IPO5: variants seen among roughly 807,000 people sequenced by gnomAD.
IPO5 encodes importin-5.
In IPO5, 18 loss-of-function variants were observed where a neutral mutation model predicts 143.3. The observed-to-expected ratio is 0.13, with a 90% CI of 0.09 to 0.19. IPO5 has a LOEUF of 0.19. IPO5 is among the 10% of genes least tolerant of loss of function. The pLI is 1.00. For missense variants in IPO5, 1,013 were observed against 1,336.9 expected, an observed-to-expected ratio of 0.76 and a Z score of 3.78; for synonymous variants, 477 against 465.7, an observed-to-expected ratio of 1.02 and a Z score of -0.31.
intron 4 of IPO5, chr13:97,977,117 CCCCGCTTGCCCCTTT>C (rs1311299594): frequency 6.3e-6 from 1 of 157,674 alleles, no homozygotes; most frequent in African/African-American, 2.4e-5. Context: ...CTTCCCAGCT[CCCCGCTTGCCCCTTT>C]CCCGCTTTCT....
chr13:97,986,654 A>G (rs1054623441), intron 6 of IPO5, among the ~76,000 whole-genome samples: 4 of 152,280 alleles, frequency 2.6e-5, no homozygotes, highest in Non-Finnish European at 5.9e-5. Context: ...CTGGCCTACT[A>G]TGTACATTTT....
chr13:97,972,224 A>G (rs972813865), intron 3 of IPO5, among the ~76,000 whole-genome samples: 4 of 152,232 alleles, frequency 2.6e-5, no homozygotes, highest in African/African-American at 9.6e-5. Flanking sequence ...ATTTGCATTC[A>G]GCACTCTGCA....
At chr13:97,979,545 AAGTAGTGCAAAGTAC>A (rs886934505) in intron 4 of IPO5, among the ~76,000 whole-genome samples, 1 of 152,242 alleles carries the variant, frequency 6.6e-6, no homozygotes, top group Non-Finnish European at 1.5e-5. Context: ...AATAGTTGAC[AAGTAGTGCAAAGTAC>A]AGTATTCATG....
Position 98,009,952 on chromosome 13 carries a change from A to G in IPO5, c.1872A>G (p.Pro624=). Residue 624 remains proline (P), a synonymous_variant, in exon 19 of 29, where the codon CCA becomes CCG. Transcript: ENST00000651721. The part of the protein sequence containing the change: ...ILGKEFQQYL[P]VVMGPLMKTA... Reference sequence around the variant, plus strand: ...GAAAAGAATTTCAGCAATACCTTCCAGTGGTTATGGGGCCTTTAATGAAGA... The same window carrying G: ...GAAAAGAATTTCAGCAATACCTTCCGGTGGTTATGGGGCCTTTAATGAAGA... 1.2e-6 allele frequency: 2 copies of G among 1,614,048 alleles called. No individual in the cohort carries two copies. The highest frequency in any genetic ancestry group is 1.7e-6 in the Non-Finnish European group (2 of 1,179,926).
chr13:97,958,818 T>C (rs1179350292), intron 2 of IPO5, among the ~76,000 whole-genome samples: 2 of 135,322 alleles, frequency 1.5e-5, no homozygotes, highest in Middle Eastern at 3.6e-3. Flanking sequence ...AGTTGAAAGC[T>C]TCTCAGGTCA....
chr13:97,981,731 A>T (rs1454940440), intron 4 of IPO5, among the ~76,000 whole-genome samples: 1 of 152,216 alleles, frequency 6.6e-6, no homozygotes, highest in Non-Finnish European at 1.5e-5. Flanking sequence ...TACCATCAGA[A>T]TTCTTGCATA....
At chr13:97,984,259 T>A (rs1037344036) in intron 5 of IPO5, among the ~76,000 whole-genome samples, 3 of 152,078 alleles carry the variant, frequency 2.0e-5, no homozygotes, top group African/African-American at 7.2e-5. Context: ...ATTACAGGCG[T>A]GAGCCACCGC....
intron 3 of IPO5, among the ~76,000 whole-genome samples, chr13:97,975,428 T>A (rs943858183): frequency 6.6e-6 from 1 of 152,002 alleles, no homozygotes; most frequent in Non-Finnish European, 1.5e-5. Context: ...GAGGCAGAGG[T>A]TGCACTAAAC....
intron 25 of IPO5, 120 bp downstream of exon 25, chr13:98,016,971 C>A: frequency 2.8e-6 from 2 of 724,234 alleles, no homozygotes; most frequent in Non-Finnish European, 4.3e-6. Context: ...TTCCATTGTA[C>A]ATCTTTGATT....
At chr13:98,014,733 A>G (rs766459885) in intron 22 of IPO5, among the ~76,000 whole-genome samples, 38 of 152,104 alleles carry the variant, frequency 2.5e-4, no homozygotes, top group Non-Finnish European at 3.7e-4. Context: ...AAAAGAGAAG[A>G]AATTCTGAAT....
chr13:97,985,820 G>T (rs1475692194), intron 6 of IPO5, among the ~76,000 whole-genome samples: 1 of 152,062 alleles, frequency 6.6e-6, no homozygotes, highest in Admixed American at 6.6e-5. Context: ...TCACCTATTG[G>T]TATTCAAAAT....
chr13:98,014,270 T>G, intron 22 of IPO5, 56 bp downstream of exon 22: 1 of 1,349,124 alleles, frequency 7.4e-7, no homozygotes, highest in Admixed American at 2.2e-5. Flanking sequence ...TTTATTAGTC[T>G]TGCTAAAAGT....
rs149346936 is a variant in IPO5 at position 98,019,784 on chromosome 13, A to C, written c.3040A>C (p.Asn1014His). The change falls in exon 27 of 29, where the codon AAT becomes CAT. Residue 1014 changes from asparagine (N) to histidine (H), a missense_variant. Asn to His is a moderately conservative substitution (Grantham distance 68). Coordinates refer to ENST00000651721, the MANE Select transcript of IPO5 (RefSeq NM_002271.6). ...EDKEEAVQTF[N>H]YLCDLIESNH... ...TAAAGAAGAAGCTGTTCAGACTTTCAATTATCTGTGTGACCTGATTGAAAG... is the reference window on the plus strand; with the variant it reads ...TAAAGAAGAAGCTGTTCAGACTTTCCATTATCTGTGTGACCTGATTGAAAG... The C allele has an allele frequency of 3.8e-4, 616 of 1,612,878 alleles. 3 individuals are homozygous for C. The Middle Eastern group carries it at 4.5e-3, about 12-fold the overall frequency.
At chr13:98,019,542 T>G (rs1267818722) in intron 26 of IPO5, 39 bp from the exon 27 acceptor site, 2 of 1,341,808 alleles carry the variant, frequency 1.5e-6, no homozygotes, top group African/African-American at 1.4e-5. Flanking sequence ...CATGAAAATG[T>G]GAGGTTTTAG....
intron 4 of IPO5, among the ~76,000 whole-genome samples, chr13:97,978,724 C>A (rs1467394819): frequency 1.3e-5 from 2 of 152,262 alleles, no homozygotes; most frequent in East Asian, 1.9e-4. Context: ...TCTCTGTTCC[C>A]TCCAGTTGCT....
intron 2 of IPO5, among the ~76,000 whole-genome samples, chr13:97,962,712 A>G (rs1436745197): frequency 6.6e-6 from 1 of 151,878 alleles, no homozygotes; most frequent in Non-Finnish European, 1.5e-5. Flanking sequence ...CCAGCTGCTC[A>G]GGAGGCTGAG....
chr13:97,988,939 T>C (rs559976901), intron 6 of IPO5, 123 bp from the exon 7 acceptor site: 1 of 545,552 alleles, frequency 1.8e-6, no homozygotes, highest in South Asian at 2.6e-5. Context: ...TTTTTAAAAA[T>C]AGCAAAAGTG....
intron 12 of IPO5, among the ~76,000 whole-genome samples, chr13:97,999,152 A>C (rs1281637044): frequency 2.0e-5 from 3 of 152,156 alleles, no homozygotes; most frequent in African/African-American, 7.2e-5. Flanking sequence ...CAAAAAAAAT[A>C]AAAAGCTGAA....
rs71117688 is a variant in IPO5, at chr13:98,010,780, C to CTTTTTTT, written c.2055+568_2055+574dup. ...ATGCGTTTTAAAGTGAAGGATAATC[C>CTTTTTTT]TTTTTTTTTTTTTTTTTTGAGGTGG... is the stretch of plus-strand genomic sequence containing the variant. On this transcript the variant is annotated intron_variant, in intron 20 of 28. Coordinates refer to ENST00000651721, the MANE Select transcript of IPO5 (RefSeq NM_002271.6). 4.8e-3 allele frequency among the ~76,000 whole-genome samples: 334 copies of CTTTTTTT among 69,974 alleles called. 58 individuals are homozygous for CTTTTTTT. The highest frequency in any genetic ancestry group is 0.029 in the African/African-American group (305 of 10,496). 45.9% of individuals were successfully genotyped at this position (69,974 alleles called of 152,430 possible). A position where few individuals can be genotyped will look rare whatever the true frequency, so the allele number is the denominator to read the frequency against.
Sources: gnomAD v4.1 joint callset for allele counts (sites outside exome capture counted in the v4.1 genomes callset) on GRCh38, gnomAD v4.1.1 for gene constraint, MANE v1.5 for transcripts, NCBI Gene and HGNC (gene_info 2026-07-23, HGNC 2026-07-21) for gene names.